Variants in KAZN observed in about 807,000 individuals in gnomAD.
The protein encoded by KAZN is kazrin.
KAZN carries 40 observed loss-of-function variants against 87.4 expected under a neutral mutation model. The ratio of observed to expected loss-of-function variants is 0.46; its 90% CI spans 0.36 to 0.60. KAZN has a LOEUF of 0.60. KAZN is among the 20% of genes least tolerant of loss of function. KAZN has a pLI of 0.00. For missense variants in KAZN, 898 were observed against 1,073.9 expected (o/e 0.84, Z 2.29); for synonymous variants, 466 against 458.3 (o/e 1.02, Z -0.22).
At chr1:15,026,327 G>C (rs1168092722) in intron 2 of KAZN, among the ~76,000 whole-genome samples, 1 of 152,196 alleles carries the variant, frequency 6.6e-6, no homozygotes, top group Admixed American at 6.5e-5. Context: ...AGGTGGAGAC[G>C]ATCATGCACA....
In KAZN at chr1:14,393,278, T is replaced by C. The variant is rs114517547; in HGVS notation, c.250-205705T>C. ...CCTCTTGTTGATCTATTTCACAAGT[T>C]TGAGAACGCTGAAGTCACTTCTGCA... On this transcript the variant is annotated intron_variant, in intron 2 of 16. Transcript: ENST00000636203. Among the ~76,000 whole-genome samples the C allele has an allele frequency of 3.0e-3, 456 of 152,262 alleles. 3 individuals are homozygous for C. The highest frequency in any genetic ancestry group is 1.0e-2 in the African/African-American group (415 of 41,562).
intron 2 of KAZN, among the ~76,000 whole-genome samples, chr1:14,265,654 T>C (rs1331809559): frequency 6.6e-6 from 1 of 152,116 alleles, no homozygotes; most frequent in Admixed American, 6.5e-5. Flanking sequence ...GAACCCTCAG[T>C]GTGGAAATTT....
At chr1:14,808,365 C>T (rs1646292906) in intron 1 of KAZN, among the ~76,000 whole-genome samples, 1 of 139,688 alleles carries the variant, frequency 7.2e-6, no homozygotes. Flanking sequence ...GGTTCGATCT[C>T]AGTTCACCGC....
intron 1 of KAZN, among the ~76,000 whole-genome samples, chr1:14,790,049 C>T (rs1645627998): frequency 2.6e-5 from 4 of 151,778 alleles, no homozygotes; most frequent in Admixed American, 2.6e-4. Flanking sequence ...GTTGCCCAGG[C>T]TGGAGTGCAA....
Position 14,915,917 on chromosome 1 carries a change from C to T in KAZN, c.227-44767C>T, listed in dbSNP as rs1272677816. 5.3e-5 allele frequency among the ~76,000 whole-genome samples: 8 copies of T among 152,306 alleles called. No individual in the cohort carries two copies. The East Asian group carries it at 9.7e-4, about 18-fold the overall frequency. ...ATCATGGCTATGAGTATGGACCTTG[C>T]AGCCAGACTACGTGGGCTTTAGTCC... is the stretch of plus-strand genomic sequence containing the variant. On this transcript the variant is annotated intron_variant, in intron 1 of 14. Transcript: ENST00000376030.
intron 2 of KAZN, among the ~76,000 whole-genome samples, chr1:14,306,002 C>T (rs1314149720): frequency 1.3e-5 from 2 of 152,144 alleles, no homozygotes; most frequent in African/African-American, 4.8e-5. Flanking sequence ...GGAAAGCACT[C>T]TCATCTTTCC....
rs1236136941 is a variant in KAZN at position 14,735,057 on chromosome 1, T to TG, written c.226+135836dup. Among the ~76,000 whole-genome samples the TG allele has an allele frequency of 3.3e-5, 5 of 150,856 alleles. No individual in the cohort carries two copies. Among genetic ancestry groups the TG allele is most frequent in the Admixed American group, 1.3e-4 (2 of 15,260 alleles). ...AGCACAGGATGCTAAATGGTCATGCTGGTTTTTTTTGTTTTGTTTTGAGAC... is the reference window on the plus strand; with the variant it reads ...AGCACAGGATGCTAAATGGTCATGCTGGGTTTTTTTTGTTTTGTTTTGAGAC... On this transcript the variant is annotated intron_variant, in intron 1 of 14. Coordinates refer to ENST00000376030, the MANE Select transcript of KAZN (RefSeq NM_201628.3). This position sits in a 1 kb window ranked among gnomAD's most constrained non-coding sequence, Gnocchi z 4.3.
intron 2 of KAZN, among the ~76,000 whole-genome samples, chr1:14,346,060 T>A (rs1456041516): frequency 6.6e-6 from 1 of 152,224 alleles, no homozygotes; most frequent in Non-Finnish European, 1.5e-5. Flanking sequence ...GTAGCACTGC[T>A]CATTGGCCAC....
intron 1 of KAZN, among the ~76,000 whole-genome samples, chr1:14,823,651 A>T (rs1646799909): frequency 6.6e-6 from 1 of 152,182 alleles, no homozygotes; most frequent in African/African-American, 2.4e-5. Flanking sequence ...GGAGACAAAA[A>T]GAAAGAAGGG....
chr1:14,441,510 C>A (rs909533144), intron 2 of KAZN, among the ~76,000 whole-genome samples: 1 of 152,136 alleles, frequency 6.6e-6, no homozygotes, highest in African/African-American at 2.4e-5. Context: ...GATTCTGAGG[C>A]CCCTCAAGTC....
At chr1:14,336,904 C>T (rs997430991) in intron 2 of KAZN, among the ~76,000 whole-genome samples, 1 of 152,024 alleles carries the variant, frequency 6.6e-6, no homozygotes, top group Non-Finnish European at 1.5e-5. Flanking sequence ...ATCTTTTCTC[C>T]ATCTTGATAG....
At chr1:14,398,206 C>G (rs1663065098) in intron 2 of KAZN, among the ~76,000 whole-genome samples, 1 of 152,202 alleles carries the variant, frequency 6.6e-6, no homozygotes, top group Non-Finnish European at 1.5e-5. Context: ...GCAACAATAG[C>G]TAACTGATAA....
chr1:14,924,637 G>A, intron 1 of KAZN: 1 of 868,938 alleles, frequency 1.2e-6, no homozygotes, highest in Middle Eastern at 5.8e-4. Context: ...CGCCGGGGCC[G>A]GGCGCGCGAG....
At chr1:14,507,103 T>C (rs2148438545) in intron 2 of KAZN, among the ~76,000 whole-genome samples, 2 of 152,312 alleles carry the variant, frequency 1.3e-5, no homozygotes, top group South Asian at 4.1e-4. Context: ...TACATTGCCT[T>C]TATATTTCCC....
chr1:14,270,627 T>C (rs533393489), intron 2 of KAZN, among the ~76,000 whole-genome samples: 8 of 152,254 alleles, frequency 5.3e-5, no homozygotes, highest in Middle Eastern at 3.4e-3. Flanking sequence ...AGAAGCATAG[T>C]TTATGTTAAT....
intron 1 of KAZN, among the ~76,000 whole-genome samples, chr1:13,917,797 C>CAAAAAAAAAA (rs35268955): frequency 1.3e-5 from 1 of 77,970 alleles, no homozygotes; most frequent in Non-Finnish European, 2.5e-5. Flanking sequence ...CCTGTGTCAT[C>CAAAAAAAAAA]AAAAAAAAAA....
At position 15,060,471 on chromosome 1, in the gene KAZN, T is replaced by C. The variant is rs1638700018; in HGVS notation, c.1047+169T>C. 4 of 924,082 alleles carry C rather than the reference T, an allele frequency of 4.3e-6. No individual in the cohort carries two copies. In the South Asian group the frequency reaches 6.6e-5, roughly 15 times the overall value. The allele number at this position is 924,082 out of a possible 1,614,324, so 57.2% of individuals were successfully genotyped here. A position where few individuals can be genotyped will look rare whatever the true frequency, so the allele number is the denominator to read the frequency against. ...TTCCTTTTGCAAGAAGCGATGGATG[T>C]GGGGAGAAAAAGGAATGAGGCCCGT... On this transcript the variant is annotated intron_variant, in intron 6 of 14. Coordinates refer to ENST00000376030, the MANE Select transcript of KAZN (RefSeq NM_201628.3).
chr1:14,762,738 G>T (rs1221539552), intron 1 of KAZN, among the ~76,000 whole-genome samples: 1 of 150,068 alleles, frequency 6.7e-6, no homozygotes, highest in Admixed American at 6.7e-5. Context: ...AAAAAAAAAA[G>T]AAAGAAGAAG....
intron 1 of KAZN, among the ~76,000 whole-genome samples, chr1:14,631,897 T>C (rs1220541487): frequency 6.6e-6 from 1 of 152,232 alleles, no homozygotes; most frequent in Non-Finnish European, 1.5e-5. Flanking sequence ...GTCAGCTCTC[T>C]TAATATCACA....
Sources: allele counts gnomAD v4.1 joint callset (sites outside exome capture counted in the v4.1 genomes callset), GRCh38; gene constraint gnomAD v4.1.1; non-coding constraint Gnocchi (gnomAD v3.1); transcripts MANE v1.5; gene names NCBI Gene and HGNC (gene_info 2026-07-23, HGNC 2026-07-21).